Variants in CCDC149 observed in about 807,000 individuals in gnomAD.
The protein encoded by CCDC149 is coiled-coil domain containing 149.
A neutral mutation model predicts 59.9 loss-of-function variants in CCDC149; 45 were observed. That is an observed-to-expected ratio of 0.75 (90% CI 0.59 to 0.96). CCDC149 has a LOEUF of 0.96. Ranked by LOEUF, CCDC149 falls within the 40% of genes least tolerant of loss-of-function variation. The pLI is 0.00. For missense variants in CCDC149, 584 were observed against 664.7 expected (o/e 0.88, Z 1.33); for synonymous variants, 245 against 260.6 (o/e 0.94, Z 0.58).
At chr4:24,926,901 G>A (rs1722447925) in intron 1 of CCDC149, among the ~76,000 whole-genome samples, 1 of 152,286 alleles carries the variant, frequency 6.6e-6, no homozygotes, top group South Asian at 2.1e-4. Flanking sequence ...ATGCCACTTA[G>A]CTTCCTCGCA....
chr4:24,857,916 C>A (rs1455747099), intron 3 of CCDC149, among the ~76,000 whole-genome samples: 4 of 152,138 alleles, frequency 2.6e-5, no homozygotes, highest in African/African-American at 7.2e-5. Flanking sequence ...ACATACAATT[C>A]TTTTCTATTC....
chr4:24,857,666 A>T (rs1432689257), intron 3 of CCDC149, among the ~76,000 whole-genome samples: 1 of 152,208 alleles, frequency 6.6e-6, no homozygotes, highest in East Asian at 1.9e-4. Context: ...TAGTGATGTG[A>T]TTATTGAAAA....
intron 2 of CCDC149, among the ~76,000 whole-genome samples, chr4:24,874,882 T>C (rs1269618497): frequency 6.6e-6 from 1 of 152,222 alleles, no homozygotes; most frequent in Non-Finnish European, 1.5e-5. Context: ...GCATTCTCCA[T>C]TTCAGTATCA....
intron 1 of CCDC149, among the ~76,000 whole-genome samples, chr4:24,911,772 C>T (rs1156511606): frequency 4.6e-5 from 7 of 152,196 alleles, no homozygotes; most frequent in Non-Finnish European, 1.0e-4. Flanking sequence ...GCACTATTAT[C>T]AGACTGACCT....
chr4:24,978,432 G>GT (rs1724314201), intron 1 of CCDC149, among the ~76,000 whole-genome samples: 1 of 152,186 alleles, frequency 6.6e-6, no homozygotes, highest in South Asian at 2.1e-4. Flanking sequence ...CCAGGAAATT[G>GT]TAAGTTGCAT....
chr4:24,834,256 A>G (rs1190308905), intron 8 of CCDC149, among the ~76,000 whole-genome samples: 2 of 152,110 alleles, frequency 1.3e-5, no homozygotes, highest in Non-Finnish European at 2.9e-5. Flanking sequence ...ACAACCAAAA[A>G]GTGGGCCAGC....
chr4:24,950,553 A>T lies in CCDC149; in HGVS notation c.-65+29516T>A, dbSNP rs551436634. ...GGGAGTGGAGAATCCCAGCCTTTGG[A>T]GTAAGACAAAGATTTAAATCTAAAC... On this transcript the variant is annotated intron_variant, in intron 1 of 12. Coordinates refer to the CCDC149 transcript ENST00000389609. Among the ~76,000 whole-genome samples, 407 of 152,320 alleles carry T rather than the reference A, an allele frequency of 2.7e-3. 6 individuals carry two copies. The highest frequency in any genetic ancestry group is 0.016 in the South Asian group (76 of 4,828).
chr4:24,978,763 G>A (rs1724330150), intron 1 of CCDC149, among the ~76,000 whole-genome samples: 1 of 152,136 alleles, frequency 6.6e-6, no homozygotes, highest in Admixed American at 6.5e-5. Flanking sequence ...CAGCTGAAAT[G>A]CTGGCAATTT....
intron 4 of CCDC149, among the ~76,000 whole-genome samples, chr4:24,844,366 T>C (rs1450232001): frequency 6.6e-6 from 1 of 152,176 alleles, no homozygotes; most frequent in African/African-American, 2.4e-5. Flanking sequence ...TGTCATCTCC[T>C]CTTTACAGTA....
chr4:24,940,426 A>G (rs1388160918), intron 1 of CCDC149, among the ~76,000 whole-genome samples: 1 of 152,246 alleles, frequency 6.6e-6, no homozygotes, highest in African/African-American at 2.4e-5. Context: ...AACTGGTACC[A>G]GCCACTGCAA....
chr4:24,933,256 T>C (rs1266922569), intron 1 of CCDC149, among the ~76,000 whole-genome samples: 1 of 152,264 alleles, frequency 6.6e-6, no homozygotes, highest in East Asian at 1.9e-4. Flanking sequence ...CCTGGGAAGA[T>C]AGGATACTAA....
chr4:24,862,767 A>G (rs73103235), intron 3 of CCDC149, among the ~76,000 whole-genome samples: 3,415 of 152,334 alleles, frequency 0.022, 134 homozygotes, highest in African/African-American at 0.077. Context: ...ACAATTCGTC[A>G]TCACTCAAAG....
At chr4:24,825,665 C>T (rs889530870) in intron 9 of CCDC149, among the ~76,000 whole-genome samples, 4 of 151,328 alleles carry the variant, frequency 2.6e-5, no homozygotes, top group African/African-American at 4.9e-5. Context: ...CCCAGCTACT[C>T]GGGAGGCTGA....
chr4:24,870,163 T>C (rs1718948273), intron 3 of CCDC149, among the ~76,000 whole-genome samples: 1 of 152,208 alleles, frequency 6.6e-6, no homozygotes. Context: ...TGAATAATAA[T>C]TTAATATAAG....
chr4:24,952,823 A>G (rs945013177), intron 1 of CCDC149, among the ~76,000 whole-genome samples: 2 of 151,486 alleles, frequency 1.3e-5, no homozygotes, highest in African/African-American at 2.4e-5. Flanking sequence ...CCCTTAAATA[A>G]CTCACCTTTC....
intron 1 of CCDC149, among the ~76,000 whole-genome samples, chr4:24,909,476 G>C (rs575074874): frequency 1.3e-5 from 2 of 152,304 alleles, no homozygotes; most frequent in South Asian, 4.1e-4. Flanking sequence ...TGACTGGGCA[G>C]GGGAATTACC....
intron 1 of CCDC149, among the ~76,000 whole-genome samples, chr4:24,929,385 C>T (rs1722522106): frequency 6.6e-6 from 1 of 152,102 alleles, no homozygotes; most frequent in Non-Finnish European, 1.5e-5. Context: ...CTTCTCCCTC[C>T]TAATCCTTAG....
chr4:24,970,463 G>A (rs749913228), intron 1 of CCDC149, among the ~76,000 whole-genome samples: 17 of 152,142 alleles, frequency 1.1e-4, no homozygotes, highest in Non-Finnish European at 1.2e-4. Flanking sequence ...ATGATGGGTG[G>A]GGCTGGCTAC....
At position 24,873,711 on chromosome 4, in the gene CCDC149, A is replaced by C. The variant is rs981768324; in HGVS notation, c.234T>G (p.Asp78Glu). The change falls in exon 3 of 13, where the codon GAT (aspartate) becomes GAG (glutamate). Residue 78 changes from aspartate (D) to glutamate (E), a missense_variant. Coordinates refer to ENST00000635206, the MANE Select transcript of CCDC149 (RefSeq NM_001330643.2). ...TCCTTTTTTCAGGAGGAAGTGATGG[A>C]TCTCCATCCTACAAAGAAACAAATG... is the stretch of plus-strand genomic sequence containing the variant. 1.2e-6 allele frequency: 2 copies of C among 1,609,500 alleles called. No homozygotes were observed. The highest frequency in any genetic ancestry group is 1.7e-6 in the Non-Finnish European group (2 of 1,176,392).
Sources: gnomAD v4.1 joint callset for allele counts (sites outside exome capture counted in the v4.1 genomes callset) on GRCh38, gnomAD v4.1.1 for gene constraint, MANE v1.5 for transcripts, NCBI Gene and HGNC (gene_info 2026-07-23, HGNC 2026-07-21) for gene names.